The following TBC1D22A variants were observed in gnomAD, a reference collection of about 807,000 sequenced individuals.
TBC1D22A encodes the protein TBC1 domain family member 22A.
A neutral mutation model predicts 60.2 loss-of-function variants in TBC1D22A; 38 were observed. That is an observed-to-expected ratio of 0.63 (90% CI 0.49 to 0.83). The LOEUF (loss-of-function observed/expected upper bound fraction) is 0.83, where lower values mean the gene tolerates loss of function less well. TBC1D22A is among the 40% of genes least tolerant of loss of function. The probability of loss-of-function intolerance (pLI) is 0.00; values close to 1 mark genes in which losing one functional copy is unlikely to be tolerated. For missense variants in TBC1D22A, 628 were observed against 701.0 expected (o/e 0.90, Z 1.18); for synonymous variants, 302 against 281.7 (o/e 1.07, Z -0.72).
chr22:47,060,934 C>G (rs569998766), intron 11 of TBC1D22A, among the ~76,000 whole-genome samples: 97 of 152,318 alleles, frequency 6.4e-4, no homozygotes, highest in African/African-American at 2.3e-3. Flanking sequence ...TTGTCAGGGG[C>G]CTTGTCTTTG....
intron 11 of TBC1D22A, among the ~76,000 whole-genome samples, chr22:47,058,459 T>C (rs1166369258): frequency 6.6e-6 from 1 of 152,112 alleles, no homozygotes; most frequent in Non-Finnish European, 1.5e-5. Flanking sequence ...TCCCGGCTCC[T>C]TGTGGTGGTT....
chr22:46,939,386 A>G (rs1479198904), intron 8 of TBC1D22A, among the ~76,000 whole-genome samples: 2 of 152,232 alleles, frequency 1.3e-5, no homozygotes, highest in Non-Finnish European at 2.9e-5. Flanking sequence ...TTTCTCATCC[A>G]ATTAGTCATT....
intron 11 of TBC1D22A, among the ~76,000 whole-genome samples, chr22:47,109,169 T>C (rs555759755): frequency 5.9e-5 from 9 of 152,198 alleles, no homozygotes; most frequent in Non-Finnish European, 1.3e-4. Flanking sequence ...TTGTACTGTT[T>C]AGTACACCAG....
chr22:46,905,157 G>A lies in TBC1D22A; in HGVS notation c.901-6917G>A, dbSNP rs185564473. Among the ~76,000 whole-genome samples, 9 of 152,302 alleles carry A rather than the reference G, an allele frequency of 5.9e-5. No individual in the cohort carries two copies. In the East Asian group the frequency reaches 1.2e-3, roughly 20 times the overall value. Reference sequence around the variant, plus strand: ...ACCACAGTACAAATCAGGTGATTTCGGAAGGAGTTTTTAAAATGATACTAA... The same window carrying A: ...ACCACAGTACAAATCAGGTGATTTCAGAAGGAGTTTTTAAAATGATACTAA... On this transcript the variant is annotated intron_variant, in intron 7 of 12. Transcript: ENST00000337137.
At chr22:47,157,607 T>C (rs6007611) in intron 12 of TBC1D22A, among the ~76,000 whole-genome samples, 103,797 of 152,106 alleles carry the variant, frequency 0.68, 35,956 homozygotes, top group African/African-American at 0.78. Context: ...CCATGGCTCC[T>C]CGCTTCAGAG....
intron 10 of TBC1D22A, among the ~76,000 whole-genome samples, chr22:47,003,259 C>T (rs1188651369): frequency 4.6e-5 from 7 of 152,066 alleles, no homozygotes; most frequent in Non-Finnish European, 1.0e-4. Context: ...GGGGTGAGTT[C>T]TGAGTGGGGT....
intron 11 of TBC1D22A, among the ~76,000 whole-genome samples, chr22:47,105,254 G>A (rs1157974493): frequency 6.6e-6 from 1 of 151,952 alleles, no homozygotes; most frequent in African/African-American, 2.4e-5. Flanking sequence ...AAAATAATAG[G>A]GCAGAGCCTC....
chr22:46,863,651 A>C (rs1602211521), intron 4 of TBC1D22A, among the ~76,000 whole-genome samples: 1 of 152,184 alleles, frequency 6.6e-6, no homozygotes, highest in South Asian at 2.1e-4. Context: ...ATAGGGTTTT[A>C]AAAGTGTATT....
At chr22:46,908,462 T>C (rs1480027791) in intron 7 of TBC1D22A, among the ~76,000 whole-genome samples, 1 of 152,160 alleles carries the variant, frequency 6.6e-6, no homozygotes, top group Non-Finnish European at 1.5e-5. Context: ...ACGTTAAAGG[T>C]CATTTTTGTT....
chr22:46,959,666 A>T (rs1356275976), intron 8 of TBC1D22A, among the ~76,000 whole-genome samples: 2 of 150,570 alleles, frequency 1.3e-5, no homozygotes, highest in Non-Finnish European at 3.0e-5. Flanking sequence ...ATTGCCATGG[A>T]CCTCTGATTC....
At chr22:46,852,695 T>G (rs2087344849) in intron 4 of TBC1D22A, among the ~76,000 whole-genome samples, 1 of 152,090 alleles carries the variant, frequency 6.6e-6, no homozygotes, top group Non-Finnish European at 1.5e-5. Context: ...CACATCAGAC[T>G]CCTGCTGAAT....
Position 46,995,839 on chromosome 22 carries a change from A to G in TBC1D22A, c.1126-1795A>G, listed in dbSNP as rs142912463. On this transcript the variant is annotated intron_variant, in intron 9 of 12. Coordinates refer to ENST00000337137, the MANE Select transcript of TBC1D22A (RefSeq NM_014346.5). ...TGACCACCTCGAGGAACCTCTCTGT[A>G]CTGGAGGCTGCCACACCACTCTCTG... is the stretch of plus-strand genomic sequence containing the variant. 6.5e-3 allele frequency among the ~76,000 whole-genome samples: 991 copies of G among 152,122 alleles called. 11 individuals carry two copies. Among genetic ancestry groups the G allele is most frequent in the African/African-American group, 0.023 (955 of 41,522 alleles).
At chr22:47,104,694 C>CAA (rs34812715) in intron 11 of TBC1D22A, among the ~76,000 whole-genome samples, 1,045 of 102,112 alleles carry the variant, frequency 0.01, 21 homozygotes, top group African/African-American at 0.037. Flanking sequence ...GACTCTGTCT[C>CAA]AAAAAAAAAA....
intron 4 of TBC1D22A, among the ~76,000 whole-genome samples, chr22:46,829,775 C>G (rs1400957480): frequency 6.6e-6 from 1 of 152,210 alleles, no homozygotes; most frequent in Non-Finnish European, 1.5e-5. Context: ...GAGGTTATCT[C>G]TAGCCTTTGT....
intron 10 of TBC1D22A, among the ~76,000 whole-genome samples, chr22:47,005,770 AC>A (rs2061569135): frequency 6.6e-6 from 1 of 151,512 alleles, no homozygotes; most frequent in African/African-American, 2.4e-5. Flanking sequence ...ACACCTACAC[AC>A]ATATCCAATA....
At position 46,777,810 on chromosome 22, in the gene TBC1D22A, C is replaced by T. The variant is rs115948347; in HGVS notation, c.63-14710C>T. Among the ~76,000 whole-genome samples, 17 of 152,280 alleles carry T rather than the reference C, an allele frequency of 1.1e-4. No individual in the cohort carries two copies. The highest frequency in any genetic ancestry group is 3.9e-4 in the African/African-American group (16 of 41,554). On this transcript the variant is annotated intron_variant, in intron 1 of 12. Coordinates refer to ENST00000337137, the MANE Select transcript of TBC1D22A (RefSeq NM_014346.5). The surrounding 1 kb of genome is among the most constrained non-coding windows in gnomAD (Gnocchi z 4.5). ...GCTCCGAAAGTCATGCATCACTTAG[C>T]GACGGGGACGCCTTCTGAGACATGT...
intron 4 of TBC1D22A, among the ~76,000 whole-genome samples, chr22:46,873,772 C>T (rs571832016): frequency 6.6e-6 from 1 of 151,840 alleles, no homozygotes; most frequent in Admixed American, 6.6e-5. Flanking sequence ...CATGTCACTG[C>T]AAAGGACATA....
Position 46,792,513 on chromosome 22 carries a change from C to A in TBC1D22A, c.63-7C>A. ...GGCTCACTGGTTTTCCTTTTCTTTT[C>A]CATCAGCATCCAGCACGTGTATGGT... is the stretch of plus-strand genomic sequence containing the variant. On this transcript the variant is annotated splice_region_variant and splice_polypyrimidine_tract_variant and intron_variant, in intron 1 of 12. Transcript: ENST00000337137. The A allele has an allele frequency of 6.2e-7, 1 of 1,614,222 alleles. No homozygotes were observed. Among genetic ancestry groups the A allele is most frequent in the Middle Eastern group, 1.6e-4 (1 of 6,062 alleles).
intron 4 of TBC1D22A, among the ~76,000 whole-genome samples, chr22:46,861,836 G>A (rs570174156): frequency 2.5e-4 from 38 of 152,244 alleles, no homozygotes; most frequent in South Asian, 1.2e-3. Flanking sequence ...GGCTATGATC[G>A]GTGTTGACCC....
Sources: allele counts gnomAD v4.1 joint callset (sites outside exome capture counted in the v4.1 genomes callset), GRCh38; gene constraint gnomAD v4.1.1; non-coding constraint Gnocchi (gnomAD v3.1); transcripts MANE v1.5; gene names NCBI Gene and HGNC (gene_info 2026-07-23, HGNC 2026-07-21).